CRCP: variants seen among roughly 807,000 people sequenced by gnomAD.
CRCP encodes the protein DNA-directed RNA polymerase III subunit RPC9.
Under a neutral mutation model 18.5 loss-of-function variants are expected in CRCP, and 18 were observed. The ratio of observed to expected loss-of-function variants is 0.97; its 90% CI spans 0.67 to 1.44. The LOEUF (loss-of-function observed/expected upper bound fraction) is 1.44, where lower values mean the gene tolerates loss of function less well. Ranked by LOEUF, CRCP falls within the 40% of genes most tolerant of loss-of-function variation. The pLI is 0.00. For synonymous variants in CRCP, 53 were observed against 62.9 expected, an observed-to-expected ratio of 0.84 and a Z score of 0.75; for missense variants, 130 against 176.4, an observed-to-expected ratio of 0.74 and a Z score of 1.49.
In CRCP at chr7:66,117,129, A is replaced by C. The variant is rs1787291269; in HGVS notation, c.8+2159A>C. On this transcript the variant is annotated intron_variant, in intron 1 of 5. Coordinates refer to ENST00000395326, the MANE Select transcript of CRCP (RefSeq NM_014478.5). ...GGCAAGACTGTCTCAAAAAAAAAAA[A>C]AAAAAAAACCTGATCCCTCCATCTT... 4.6e-5 allele frequency among the ~76,000 whole-genome samples: 7 copies of C among 152,038 alleles called. No homozygotes were observed. In the South Asian group the frequency reaches 1.2e-3, roughly 27 times the overall value.
intron 3 of CRCP, among the ~76,000 whole-genome samples, chr7:66,133,416 G>A (rs984235391): frequency 6.6e-6 from 1 of 152,028 alleles, no homozygotes; most frequent in Non-Finnish European, 1.5e-5. Context: ...GCTGAAGCAG[G>A]AGAATGGTGT....
intron 2 of CRCP, among the ~76,000 whole-genome samples, chr7:66,128,902 G>C (rs1428927904): frequency 6.6e-6 from 1 of 152,064 alleles, no homozygotes; most frequent in Non-Finnish European, 1.5e-5. Context: ...GACTCAGGAG[G>C]TCTAGAAGGT....
At chr7:66,149,757 G>A (rs922724640) in intron 5 of CRCP, among the ~76,000 whole-genome samples, 1 of 152,010 alleles carries the variant, frequency 6.6e-6, no homozygotes, top group African/African-American at 2.4e-5. Flanking sequence ...TTACTAGCAC[G>A]TCTTGGATCA....
At chr7:66,141,771 A>G (rs1788146862) in intron 4 of CRCP, among the ~76,000 whole-genome samples, 1 of 152,192 alleles carries the variant, frequency 6.6e-6, no homozygotes, top group Admixed American at 6.5e-5. Context: ...CACTTGGGCA[A>G]GAGCTAGGGT....
chr7:66,122,556 G>A (rs78985891), intron 1 of CRCP, among the ~76,000 whole-genome samples: 6,494 of 151,998 alleles, frequency 0.043, 195 homozygotes, highest in Non-Finnish European at 0.061. Context: ...GTGTCAAATG[G>A]AAAGTCAGCT....
Position 66,142,388 on chromosome 7 carries a change from C to A in CRCP, c.240-3055C>A, listed in dbSNP as rs551159688. On this transcript the variant is annotated intron_variant, in intron 4 of 5. Coordinates refer to ENST00000395326, the MANE Select transcript of CRCP (RefSeq NM_014478.5). The stretch of plus-strand genomic sequence containing the variant: ...TTCTGTGTTATCAAGAGGTTCGTTC[C>A]TCCACAATCATTCCTCAGTCCTCAG... Among the ~76,000 whole-genome samples the A allele has an allele frequency of 2.1e-3, 324 of 152,312 alleles. 2 individuals carry two copies. Among genetic ancestry groups the A allele is most frequent in the African/African-American group, 7.6e-3 (317 of 41,562 alleles).
chr7:66,116,154 T>C (rs139604529), intron 1 of CRCP, among the ~76,000 whole-genome samples: 14 of 152,236 alleles, frequency 9.2e-5, no homozygotes, highest in African/African-American at 3.4e-4. Context: ...GAAAGGCTCA[T>C]GAAACAATAA....
At chr7:66,132,563 A>C (rs1316554461) in intron 3 of CRCP, among the ~76,000 whole-genome samples, 4 of 152,076 alleles carry the variant, frequency 2.6e-5, no homozygotes, top group Non-Finnish European at 5.9e-5. Flanking sequence ...TTTCGTTAAG[A>C]TGGTATCTGC....
At chr7:66,121,551 C>T (rs1787443213) in intron 1 of CRCP, among the ~76,000 whole-genome samples, 1 of 151,956 alleles carries the variant, frequency 6.6e-6, no homozygotes, top group South Asian at 2.1e-4. Flanking sequence ...TCTCCACTTC[C>T]TGGATTCGAG....
At chr7:66,133,264 C>T (rs1472174624) in intron 3 of CRCP, among the ~76,000 whole-genome samples, 5 of 152,008 alleles carry the variant, frequency 3.3e-5, no homozygotes, top group East Asian at 1.9e-4. Context: ...CCAGCACTTT[C>T]GGAGGCCGAG....
At chr7:66,126,352 C>G (rs1034445795) in intron 1 of CRCP, among the ~76,000 whole-genome samples, 3 of 73,750 alleles carry the variant, frequency 4.1e-5, no homozygotes, top group Admixed American at 1.6e-4. Context: ...ATACAGAGGT[C>G]TCTGTTGCAC....
chr7:66,149,725 G>T (rs945470859), intron 5 of CRCP, among the ~76,000 whole-genome samples: 3 of 151,832 alleles, frequency 2.0e-5, no homozygotes, highest in Non-Finnish European at 4.4e-5. Context: ...AAACAAAAAA[G>T]AAACTTTCAG....
In CRCP at chr7:66,130,768, A is replaced by G; in HGVS notation, c.70A>G (p.Lys24Glu). The G allele has an allele frequency of 2.5e-6, 4 of 1,608,106 alleles. No individual in the cohort carries two copies. Among genetic ancestry groups the G allele is most frequent in the Non-Finnish European group, 3.4e-6 (4 of 1,175,476 alleles). ...YEVFQLLTDL[K>E]EQRKESGKNK... ...GGTATTTCAGTTACTAACTGATCTG[A>G]AAGAGCAGCGTAAAGAAAGTGGAAA... Residue 24 changes from lysine (K) to glutamate (E), a missense_variant, in exon 3 of 6, where the codon AAA (lysine) becomes GAA (glutamate). Physicochemically the swap from Lys to Glu is moderately conservative, Grantham distance 56. Coordinates refer to ENST00000395326, the MANE Select transcript of CRCP (RefSeq NM_014478.5).
At chr7:66,152,091 C>A in intron 5 of CRCP, 117 bp from the exon 6 acceptor site, 2 of 1,141,942 alleles carry the variant, frequency 1.8e-6, no homozygotes, top group Non-Finnish European at 2.5e-6. Flanking sequence ...CACGAGGACC[C>A]AGGCTGTGAG....
chr7:66,148,195 C>T (rs904848872), intron 5 of CRCP, among the ~76,000 whole-genome samples: 1 of 152,128 alleles, frequency 6.6e-6, no homozygotes, highest in Non-Finnish European at 1.5e-5. Flanking sequence ...AACCTCATCC[C>T]TACTAAAAAT....
chr7:66,115,179 C>G (rs35034167), intron 1 of CRCP, among the ~76,000 whole-genome samples: 97,910 of 152,002 alleles, frequency 0.64, 31,983 homozygotes, highest in African/African-American at 0.74. Context: ...CCCTCCACGC[C>G]GTGTCTGGTG....
intron 1 of CRCP, among the ~76,000 whole-genome samples, chr7:66,116,479 GCT>G (rs1012267641): frequency 1.6e-5 from 2 of 121,334 alleles, no homozygotes; most frequent in African/African-American, 3.4e-5. Flanking sequence ...ACAGTGTAAG[GCT>G]CTGTCTTAAA....
intron 3 of CRCP, among the ~76,000 whole-genome samples, chr7:66,133,541 CAAA>C (rs67165211): frequency 4.2e-5 from 3 of 71,798 alleles, no homozygotes; most frequent in Admixed American, 1.3e-4. Context: ...GACTCCGTCT[CAAA>C]AAAAAAAAAA....
intron 5 of CRCP, among the ~76,000 whole-genome samples, chr7:66,149,396 A>G (rs1040992950): frequency 1.3e-5 from 2 of 152,142 alleles, no homozygotes; most frequent in African/African-American, 2.4e-5. Flanking sequence ...GCACATAGCT[A>G]TAGTCCCAGC....
Sources: allele counts gnomAD v4.1 joint callset (sites outside exome capture counted in the v4.1 genomes callset), GRCh38; gene constraint gnomAD v4.1.1; transcripts MANE v1.5; gene names NCBI Gene and HGNC (gene_info 2026-07-23, HGNC 2026-07-21).